The following DCC variants were observed in gnomAD, a reference collection of about 807,000 sequenced individuals.
DCC encodes DCC netrin 1 receptor.
A neutral mutation model predicts 172.5 loss-of-function variants in DCC; 58 were observed. The observed-to-expected ratio is 0.34, with a 90% CI of 0.27 to 0.42. The LOEUF (loss-of-function observed/expected upper bound fraction) is 0.42, where lower values mean the gene tolerates loss of function less well. Among genes scored for constraint, DCC ranks in the 10% least tolerant of loss-of-function variants. The pLI, the probability that DCC is intolerant of heterozygous loss-of-function variation, is 1.00. For missense variants in DCC, 1,740 were observed against 1,791.0 expected, an observed-to-expected ratio of 0.97 and a Z score of 0.51; for synonymous variants, 709 against 644.5, an observed-to-expected ratio of 1.10 and a Z score of -1.52.
Position 53,511,916 on chromosome 18 carries a change from C to A in DCC, c.4111+12406C>A, listed in dbSNP as rs1021238064. On this transcript the variant is annotated intron_variant, in intron 27 of 28. Transcript: ENST00000442544. ...GGGCGCCCGCCATTGCCCAGGCTTG[C>A]TTAGGTAAACAAAGCAACCAGGAAG... Among the ~76,000 whole-genome samples, 8 of 152,226 alleles carry A rather than the reference C, an allele frequency of 5.3e-5. 1 individual carries two copies. The South Asian group carries it at 1.0e-3, about 20-fold the overall frequency.
chr18:53,018,657 T>A (rs1033856283), intron 5 of DCC, among the ~76,000 whole-genome samples: 2 of 152,190 alleles, frequency 1.3e-5, no homozygotes, highest in African/African-American at 4.8e-5. Flanking sequence ...GAATATGGTA[T>A]GTGCTCAAGG....
intron 1 of DCC, among the ~76,000 whole-genome samples, chr18:52,366,981 C>T (rs1018369974): frequency 3.9e-5 from 6 of 152,294 alleles, no homozygotes; most frequent in African/African-American, 1.4e-4. Flanking sequence ...AGGCTCGGGC[C>T]GCACAGGAGC....
intron 1 of DCC, among the ~76,000 whole-genome samples, chr18:52,357,102 C>A (rs999071749): frequency 2.0e-5 from 3 of 152,274 alleles, no homozygotes; most frequent in Non-Finnish European, 4.4e-5. Flanking sequence ...AACCCATGTA[C>A]TCACCAGTAC....
intron 1 of DCC, among the ~76,000 whole-genome samples, chr18:52,449,624 T>C (rs764524312): frequency 4.9e-4 from 74 of 152,198 alleles, no homozygotes; most frequent in Admixed American, 4.6e-4. Context: ...AGGTTTTCTT[T>C]CCACTTAGTG....
At chr18:52,356,870 C>T (rs572356788) in intron 1 of DCC, among the ~76,000 whole-genome samples, 80 of 152,212 alleles carry the variant, frequency 5.3e-4, no homozygotes, top group African/African-American at 1.9e-3. Flanking sequence ...GCAACCTCCA[C>T]CTCCTGGGTT....
chr18:53,228,460 A>G (rs1305552935), intron 12 of DCC, among the ~76,000 whole-genome samples: 1 of 152,140 alleles, frequency 6.6e-6, no homozygotes, highest in South Asian at 2.1e-4. Context: ...GCTCCGTAAG[A>G]GTCTTCCAAA....
At position 52,458,044 on chromosome 18, in the gene DCC, G is replaced by A. The variant is rs973364507; in HGVS notation, c.91+117166G>A. ...TCACTTCAGCTACAGGCGTGGATGC[G>A]GCCACATGGTTTCACTGACTGAGAC... On this transcript the variant is annotated intron_variant, in intron 1 of 28. Coordinates refer to ENST00000442544, the MANE Select transcript of DCC (RefSeq NM_005215.4). Among the ~76,000 whole-genome samples the A allele has an allele frequency of 9.2e-5, 14 of 152,074 alleles. 1 individual carries two copies. The highest frequency in any genetic ancestry group is 3.1e-4 in the African/African-American group (13 of 41,396).
intron 5 of DCC, among the ~76,000 whole-genome samples, chr18:53,014,433 T>A (rs1314943608): frequency 2.7e-5 from 1 of 36,800 alleles, no homozygotes; most frequent in Non-Finnish European, 5.3e-5. Context: ...CCCTCCCCCC[T>A]CCCCCCTCCC....
intron 2 of DCC, among the ~76,000 whole-genome samples, chr18:52,897,317 C>T (rs1909619763): frequency 6.6e-6 from 1 of 152,210 alleles, no homozygotes. Context: ...TCATTGTGTG[C>T]TGCTAAGCTT....
In DCC at chr18:53,533,998, T is replaced by G. The variant is rs2046548695; in HGVS notation, c.*3345T>G. On this transcript the variant is annotated 3_prime_UTR_variant, in exon 29 of 29. Coordinates refer to ENST00000442544, the MANE Select transcript of DCC (RefSeq NM_005215.4). ...ATTGGCTTTTCCAATAAAGAATCTC[T>G]TAAGTACAGGTATTTCTGGAAGCTG... 6.6e-6 allele frequency: 1 copy of G among 152,238 alleles called. No homozygotes were observed. Among genetic ancestry groups the G allele is most frequent in the South Asian group, 2.1e-4 (1 of 4,832 alleles). The allele number at this position is 152,238 out of a possible 1,614,324, so 9.4% of individuals were successfully genotyped here.
chr18:52,921,012 G>C (rs965432213), intron 3 of DCC, among the ~76,000 whole-genome samples: 5 of 152,274 alleles, frequency 3.3e-5, no homozygotes, highest in African/African-American at 1.2e-4. Context: ...GTTGCCTGGA[G>C]TTTGGTAGGG....
rs1303090302 is a variant in DCC at position 53,534,495 on chromosome 18, GT to G, written c.*3847del. On this transcript the variant is annotated 3_prime_UTR_variant, in exon 29 of 29. Coordinates refer to ENST00000442544, the MANE Select transcript of DCC (RefSeq NM_005215.4). ...GAAGCAGCCATACACTCAAGTCTCT[GT>G]TTTTGTAAATCACATTCAAAGCAAC... 1 of 152,146 alleles carries G rather than the reference GT, an allele frequency of 6.6e-6. No homozygotes were observed. The highest frequency in any genetic ancestry group is 2.4e-5 in the African/African-American group (1 of 41,418). The allele number at this position is 152,146 out of a possible 1,614,324, so 9.4% of individuals were successfully genotyped here. A position where few individuals can be genotyped will look rare whatever the true frequency, so the allele number is the denominator to read the frequency against.
At chr18:53,109,465 A>G (rs1320231493) in intron 7 of DCC, among the ~76,000 whole-genome samples, 2 of 151,302 alleles carry the variant, frequency 1.3e-5, no homozygotes, top group Non-Finnish European at 3.0e-5. Context: ...AGCCTTGCCA[A>G]TCTTGTATTA....
At chr18:53,378,192 C>G (rs62098048) in intron 15 of DCC, among the ~76,000 whole-genome samples, 45,174 of 151,992 alleles carry the variant, frequency 0.3, 8,619 homozygotes, top group Non-Finnish European at 0.44. Context: ...AACTCCTGGC[C>G]TCAGGTTATC....
In DCC at chr18:53,454,709, C is replaced by T. The variant is rs1035175394; in HGVS notation, c.3392+4047C>T. Reference sequence around the variant, plus strand: ...AGATTAGTATGCATTCAAATCTTGACAAAAATAATTATTTTTAGTACTGAC... The same window carrying T: ...AGATTAGTATGCATTCAAATCTTGATAAAAATAATTATTTTTAGTACTGAC... On this transcript the variant is annotated intron_variant, in intron 23 of 28. Transcript: ENST00000442544. Among the ~76,000 whole-genome samples the T allele has an allele frequency of 3.9e-5, 6 of 152,284 alleles. No homozygotes were observed. In the East Asian group the frequency reaches 1.2e-3, roughly 29 times the overall value.
At chr18:53,312,112 A>G (rs1055152636) in intron 13 of DCC, among the ~76,000 whole-genome samples, 11 of 149,926 alleles carry the variant, frequency 7.3e-5, no homozygotes, top group Non-Finnish European at 1.6e-4. Context: ...GATCGAGACC[A>G]TCCTGTCTAA....
intron 7 of DCC, among the ~76,000 whole-genome samples, chr18:53,088,685 AAAAG>A (rs1316077208): frequency 3.9e-5 from 6 of 152,232 alleles, no homozygotes; most frequent in Non-Finnish European, 7.3e-5. Context: ...AATAAAGAAA[AAAAG>A]AGAGAAGAAT....
intron 1 of DCC, among the ~76,000 whole-genome samples, chr18:52,499,024 A>G (rs1470222): frequency 0.057 from 8,746 of 152,124 alleles, 311 homozygotes; most frequent in South Asian, 0.12. Context: ...TGACCGTACC[A>G]CCCGGAATCA....
chr18:52,507,780 G>A (rs1321587121), intron 1 of DCC, among the ~76,000 whole-genome samples: 1 of 151,610 alleles, frequency 6.6e-6, no homozygotes, highest in Non-Finnish European at 1.5e-5. Flanking sequence ...CTTTTTTTCT[G>A]GTTTCCCTCT....
Sources: allele counts gnomAD v4.1 joint callset (sites outside exome capture counted in the v4.1 genomes callset), GRCh38; gene constraint gnomAD v4.1.1; transcripts MANE v1.5; gene names NCBI Gene and HGNC (gene_info 2026-07-23, HGNC 2026-07-21).